Variants in ADGB observed in about 807,000 individuals in gnomAD.
ADGB encodes the protein calpain-7-like protein.
Under a neutral mutation model 210.5 loss-of-function variants are expected in ADGB, and 172 were observed. The observed-to-expected ratio is 0.82, with a 90% CI of 0.72 to 0.93. The LOEUF (loss-of-function observed/expected upper bound fraction) is 0.93. Ranked by LOEUF, ADGB falls within the 40% of genes least tolerant of loss-of-function variation. ADGB has a pLI of 0.00. For missense variants in ADGB, 2,025 were observed against 1,964.8 expected (o/e 1.03, Z -0.58); for synonymous variants, 658 against 662.7 (o/e 0.99, Z 0.11).
chr6:146,626,448 A>G (rs1308258763), intron 1 of ADGB, among the ~76,000 whole-genome samples: 1 of 151,548 alleles, frequency 6.6e-6, no homozygotes, highest in African/African-American at 2.4e-5. Context: ...TGTGTTGACT[A>G]TTTTCTGCTG....
At chr6:146,801,735 T>C (rs1778137049) in intron 34 of ADGB, 93 bp from the exon 35 acceptor site, 1 of 1,113,338 alleles carries the variant, frequency 9.0e-7, no homozygotes, top group Non-Finnish European at 1.2e-6. Flanking sequence ...CACCACACTG[T>C]TGATATGATT....
At chr6:146,797,702 G>A (rs780328938) in intron 33 of ADGB, among the ~76,000 whole-genome samples, 8 of 152,210 alleles carry the variant, frequency 5.3e-5, no homozygotes, top group African/African-American at 1.9e-4. Context: ...ACTTATAAGT[G>A]GGAGCTAAGC....
chr6:146,787,530 C>CTT (rs11416989), intron 32 of ADGB, among the ~76,000 whole-genome samples: 1 of 151,816 alleles, frequency 6.6e-6, no homozygotes, highest in Non-Finnish European at 1.5e-5. Context: ...TCCTTTTTAC[C>CTT]TTTTTTTCCT....
At chr6:146,697,222 A>G (rs530748788) in intron 12 of ADGB, among the ~76,000 whole-genome samples, 9 of 152,308 alleles carry the variant, frequency 5.9e-5, no homozygotes, top group African/African-American at 2.2e-4. Flanking sequence ...TTGAATCAGA[A>G]GTGACCATGA....
At chr6:146,655,874 A>T (rs906301896) in intron 4 of ADGB, among the ~76,000 whole-genome samples, 9 of 152,150 alleles carry the variant, frequency 5.9e-5, no homozygotes, top group Admixed American at 2.6e-4. Context: ...GAGAAACATA[A>T]ATCTTGCAAG....
intron 3 of ADGB, among the ~76,000 whole-genome samples, chr6:146,645,539 C>T (rs1268877240): frequency 1.3e-5 from 2 of 151,970 alleles, no homozygotes; most frequent in African/African-American, 4.8e-5. Flanking sequence ...CTATTACTTT[C>T]ACCTAATGCA....
intron 25 of ADGB, among the ~76,000 whole-genome samples, chr6:146,742,556 T>G (rs2114600154): frequency 6.6e-6 from 1 of 152,306 alleles, no homozygotes; most frequent in East Asian, 1.9e-4. Flanking sequence ...AAAACTCACT[T>G]GATTAAAGTC....
intron 29 of ADGB, among the ~76,000 whole-genome samples, chr6:146,778,072 GT>G (rs1777746659): frequency 6.6e-6 from 1 of 152,184 alleles, no homozygotes; most frequent in African/African-American, 2.4e-5. Flanking sequence ...AAAATAACGA[GT>G]TATTCTAGCT....
intron 1 of ADGB, among the ~76,000 whole-genome samples, chr6:146,614,977 T>A (rs910848559): frequency 1.3e-5 from 2 of 152,134 alleles, no homozygotes; most frequent in Non-Finnish European, 2.9e-5. Context: ...CTCGGCTCCC[T>A]GCAGGCTTCG....
intron 3 of ADGB, 33 bp downstream of exon 3, chr6:146,644,898 T>TCC: frequency 7.8e-7 from 1 of 1,287,326 alleles, no homozygotes; most frequent in Non-Finnish European, 1.1e-6. Flanking sequence ...ATAAAATACT[T>TCC]ACTATGTGGA....
chr6:146,772,375 A>T (rs1237197324), intron 29 of ADGB, among the ~76,000 whole-genome samples: 2 of 149,154 alleles, frequency 1.3e-5, no homozygotes. Flanking sequence ...TGCAAAAGAA[A>T]AATATCTCAA....
intron 14 of ADGB, among the ~76,000 whole-genome samples, chr6:146,716,599 CAAAAAAAAAAAAA>C (rs10606792): frequency 6.0e-5 from 4 of 66,814 alleles, no homozygotes; most frequent in Non-Finnish European, 9.3e-5. Flanking sequence ...GACTCCGTCT[CAAAAAAAAAAAAA>C]AAAAAAAAAA....
At chr6:146,749,821 G>GGAGA (rs113048302) in intron 26 of ADGB, among the ~76,000 whole-genome samples, 13 of 150,264 alleles carry the variant, frequency 8.7e-5, no homozygotes, top group African/African-American at 2.9e-4. Flanking sequence ...TGGCAGAGCA[G>GGAGA]GAGAGAGAGA....
intron 2 of ADGB, 139 bp downstream of exon 2, chr6:146,635,676 C>T: frequency 1.2e-6 from 1 of 869,058 alleles, no homozygotes; most frequent in Non-Finnish European, 1.6e-6. Flanking sequence ...TCTATCAGCC[C>T]CACCTCCCAA....
chr6:146,630,440 A>G (rs1781047426), intron 1 of ADGB, among the ~76,000 whole-genome samples: 1 of 151,948 alleles, frequency 6.6e-6, no homozygotes, highest in Admixed American at 6.6e-5. Flanking sequence ...AATAAAAGCC[A>G]GACATGTTGG....
At chr6:146,751,983 T>C (rs974285530) in intron 26 of ADGB, among the ~76,000 whole-genome samples, 2 of 152,304 alleles carry the variant, frequency 1.3e-5, no homozygotes, top group Admixed American at 6.5e-5. Context: ...TAGTGAACTT[T>C]AAAAAGTAGT....
intron 23 of ADGB, among the ~76,000 whole-genome samples, chr6:146,739,718 A>G (rs1777135834): frequency 6.6e-6 from 1 of 152,172 alleles, no homozygotes; most frequent in South Asian, 2.1e-4. Flanking sequence ...CTATGGCCAT[A>G]ATGCTTCCAT....
intron 1 of ADGB, among the ~76,000 whole-genome samples, chr6:146,619,836 T>A (rs939641806): frequency 2.0e-5 from 3 of 152,178 alleles, no homozygotes; most frequent in Non-Finnish European, 4.4e-5. Flanking sequence ...TTTTAGAATA[T>A]TCTGGATTTC....
At chr6:146,641,686 A>C (rs1245236146) in intron 2 of ADGB, among the ~76,000 whole-genome samples, 1 of 152,082 alleles carries the variant, frequency 6.6e-6, no homozygotes, top group East Asian at 1.9e-4. Context: ...TGGTGCTGAG[A>C]TAGCTGACTA....
Sources: allele counts gnomAD v4.1 joint callset (sites outside exome capture counted in the v4.1 genomes callset), GRCh38; gene constraint gnomAD v4.1.1; transcripts MANE v1.5; gene names NCBI Gene and HGNC (gene_info 2026-07-23, HGNC 2026-07-21).